F11: variants seen among roughly 807,000 people sequenced by gnomAD.
The protein encoded by F11 is coagulation factor XI.
Under a neutral mutation model 76.5 loss-of-function variants are expected in F11, and 78 were observed. The observed-to-expected ratio is 1.02, with a 90% confidence interval of 0.85 to 1.23. The LOEUF (loss-of-function observed/expected upper bound fraction) is 1.23. Ranked by LOEUF, F11 falls within the 50% of genes most tolerant of loss-of-function variation. The pLI, the probability that F11 is intolerant of heterozygous loss-of-function variation, is 0.00. For missense variants in F11, 742 were observed against 771.4 expected, an observed-to-expected ratio of 0.96 and a Z score of 0.45; for synonymous variants, 278 against 276.3, an observed-to-expected ratio of 1.01 and a Z score of -0.06.
chr4:186,277,669 G>A (rs1740484943), intron 7 of F11, among the ~76,000 whole-genome samples: 1 of 152,212 alleles, frequency 6.6e-6, no homozygotes, highest in Non-Finnish European at 1.5e-5. Context: ...GGTTAGGGTG[G>A]TGGTGGAGGG....
rs770081626 is a variant in F11 at position 186,280,539 on chromosome 4, G to C, written c.1094G>C (p.Gly365Ala). 4 of 1,614,128 alleles carry C rather than the reference G, an allele frequency of 2.5e-6. No individual in the cohort carries two copies. In the Admixed American group the frequency reaches 5.0e-5, roughly 20 times the overall value. ...ACTAAAATACTTCACGGGAGAGGAGGCATCTCTGGATACACATTAAGGTTG... is the reference window on the plus strand; with the variant it reads ...ACTAAAATACTTCACGGGAGAGGAGCCATCTCTGGATACACATTAAGGTTG... ...SPTKILHGRG[G>A]ISGYTLRLCK... is the part of the protein sequence containing the mutation. Residue 365 changes from glycine (G) to alanine (A), a missense_variant, in exon 10 of 15, where the codon GGC (glycine) becomes GCC (alanine). Gly to Ala is a moderately conservative substitution (Grantham distance 60). Coordinates refer to ENST00000403665, the MANE Select transcript of F11 (RefSeq NM_000128.4).
chr4:186,282,229 C>A, intron 10 of F11: 2 of 985,376 alleles, frequency 2.0e-6, no homozygotes, highest in Middle Eastern at 5.2e-4. Context: ...ATGGTTTTCT[C>A]TGTTGGATTT....
chr4:186,270,133 A>G (rs548423309), intron 2 of F11, among the ~76,000 whole-genome samples: 2 of 152,336 alleles, frequency 1.3e-5, no homozygotes, highest in African/African-American at 4.8e-5. Flanking sequence ...GAGTACCTAG[A>G]AAAATCCAAA....
At chr4:186,267,582 C>T (rs946115483) in intron 2 of F11, among the ~76,000 whole-genome samples, 5 of 152,156 alleles carry the variant, frequency 3.3e-5, no homozygotes, top group African/African-American at 7.2e-5. Flanking sequence ...TGTTATGTAA[C>T]TATTCATACA....
chr4:186,282,788 A>C (rs1740894989), intron 10 of F11: 2 of 985,186 alleles, frequency 2.0e-6, no homozygotes, highest in Non-Finnish European at 2.4e-6. Context: ...CCGAAGTCAC[A>C]TCGTGCTCGT....
rs281875248 is a variant in F11, at chr4:186,280,086, G to A, written c.830G>A (p.Gly277Asp). 1 of 1,614,148 alleles carries A rather than the reference G, an allele frequency of 6.2e-7. No homozygotes were observed. The highest frequency in any genetic ancestry group is 8.5e-7 in the Non-Finnish European group (1 of 1,180,024). Reference protein sequence around the residue: ...TRIKKSKALSGFSLQSCRHSI... With the variant: ...TRIKKSKALSDFSLQSCRHSI... ...ATTAAAAAGAGCAAAGCTCTTTCTG[G>A]TTTCAGTCTACAAAGCTGCAGGCAC... Residue 277 changes from glycine to aspartate, a missense_variant, in exon 8 of 15, where the codon GGT becomes GAT. By Grantham distance (94) the Gly-to-Asp change is moderately conservative. Transcript: ENST00000403665.
chr4:186,287,240 C>G (rs1741270508), intron 13 of F11, among the ~76,000 whole-genome samples: 1 of 151,824 alleles, frequency 6.6e-6, no homozygotes, highest in Non-Finnish European at 1.5e-5. Flanking sequence ...TTCCAAAGTG[C>G]TGGAATTACA....
At chr4:186,271,247 C>T (rs748893701) in intron 2 of F11, among the ~76,000 whole-genome samples, 148 of 151,922 alleles carry the variant, frequency 9.7e-4, no homozygotes, top group Non-Finnish European at 1.8e-3. Context: ...TAAAGAGACG[C>T]AATTAGGAAA....
chr4:186,271,245 C>T (rs1022585308), intron 2 of F11, among the ~76,000 whole-genome samples: 3 of 151,854 alleles, frequency 2.0e-5, no homozygotes, highest in East Asian at 1.9e-4. Context: ...GATAAAGAGA[C>T]GCAATTAGGA....
intron 11 of F11, among the ~76,000 whole-genome samples, chr4:186,284,556 G>C (rs576657291): frequency 7.9e-5 from 12 of 152,124 alleles, no homozygotes; most frequent in African/African-American, 2.4e-4. Flanking sequence ...TCTGTGCCTC[G>C]CTCTGTGCAC....
At position 186,280,528 on chromosome 4, in the gene F11, C is replaced by T. The variant is rs747150471; in HGVS notation, c.1083C>T (p.His361=). Residue 361 remains histidine (H), a synonymous_variant, in exon 10 of 15, where the codon CAC becomes CAT. Transcript: ENST00000403665. ...SSNGSPTKIL[H]GRGGISGYTL... The stretch of plus-strand genomic sequence containing the variant: ...ACGGATCTCCAACTAAAATACTTCA[C>T]GGGAGAGGAGGCATCTCTGGATACA... 2.5e-5 allele frequency: 40 copies of T among 1,613,994 alleles called. No individual in the cohort carries two copies. The African/African-American group carries it at 2.8e-4, about 11-fold the overall frequency.
At chr4:186,271,475 A>G (rs1178177399) in intron 2 of F11, 134 bp from the exon 3 acceptor site, 8 of 949,724 alleles carry the variant, frequency 8.4e-6, no homozygotes, top group Non-Finnish European at 8.5e-6. Flanking sequence ...AAAAGTGTTT[A>G]TTGCCTTGAT....
chr4:186,273,730 T>C (rs1455620926), intron 4 of F11, among the ~76,000 whole-genome samples: 2 of 152,212 alleles, frequency 1.3e-5, no homozygotes, highest in African/African-American at 2.4e-5. Flanking sequence ...CGGGATTCCA[T>C]GGTGCCCAGT....
At chr4:186,270,463 C>T (rs948285134) in intron 2 of F11, among the ~76,000 whole-genome samples, 17 of 152,130 alleles carry the variant, frequency 1.1e-4, no homozygotes, top group East Asian at 3.9e-4. Flanking sequence ...TATTATGCGG[C>T]GGTGAAGTGC....
chr4:186,274,131 T>G lies in F11; in HGVS notation c.341T>G (p.Ile114Ser). 1.2e-6 allele frequency: 2 copies of G among 1,614,166 alleles called. No homozygotes were observed. Among genetic ancestry groups the G allele is most frequent in the East Asian group, 2.2e-5 (1 of 44,860 alleles). The change falls in exon 5 of 15, where the codon ATT becomes AGT. Residue 114 changes from isoleucine (I) to serine (S), a missense_variant. Transcript: ENST00000403665. ...SHQISACNKD[I>S]YVDLDMKGIN... ...TTATTTCCAGCTTGCAACAAAGACA[T>G]TTATGTGGACCTAGACATGAAGGGC...
At chr4:186,286,655 A>C (rs1741229187) in intron 13 of F11, 145 bp downstream of exon 13, 1 of 1,486,470 alleles carries the variant, frequency 6.7e-7, no homozygotes, top group Admixed American at 2.2e-5. Flanking sequence ...AGAGGCAAAA[A>C]TCACCCAAGT....
At chr4:186,266,771 A>C (rs1308989299) in intron 1 of F11, among the ~76,000 whole-genome samples, 1 of 152,178 alleles carries the variant, frequency 6.6e-6, no homozygotes, top group Non-Finnish European at 1.5e-5. Context: ...AAAGAAAGGA[A>C]AAAAATTGGG....
intron 13 of F11, among the ~76,000 whole-genome samples, chr4:186,286,982 T>C (rs892656582): frequency 6.6e-5 from 10 of 152,086 alleles, no homozygotes; most frequent in African/African-American, 2.4e-4. Flanking sequence ...TTTTGTGTTG[T>C]TGTTGTTTTG....
intron 10 of F11, 50 bp from the exon 11 acceptor site, chr4:186,284,042 G>T: frequency 6.2e-7 from 1 of 1,613,620 alleles, no homozygotes; most frequent in Non-Finnish European, 8.5e-7. Context: ...CATAATTACT[G>T]ATGGAAAGGA....
Sources: allele counts gnomAD v4.1 joint callset (sites outside exome capture counted in the v4.1 genomes callset), GRCh38; gene constraint gnomAD v4.1.1; transcripts MANE v1.5; gene names NCBI Gene and HGNC (gene_info 2026-07-23, HGNC 2026-07-21).